The following ANO2 variants were observed in gnomAD, a reference collection of about 807,000 sequenced individuals.
The protein encoded by ANO2 is anoctamin-2.
ANO2 carries 101 observed loss-of-function variants against 124.2 expected under a neutral mutation model. That is an observed-to-expected ratio of 0.81 (90% CI 0.69 to 0.96). The LOEUF is 0.96. Ranked by LOEUF, ANO2 falls within the 40% of genes least tolerant of loss-of-function variation. The pLI is 0.00. For missense variants in ANO2, 1,293 were observed against 1,274.5 expected (o/e 1.01, Z -0.22); for synonymous variants, 486 against 482.5 (o/e 1.01, Z -0.09).
chr12:5,708,968 C>G (rs1372605656), intron 14 of ANO2, among the ~76,000 whole-genome samples: 1 of 152,206 alleles, frequency 6.6e-6, no homozygotes, highest in East Asian at 1.9e-4. Context: ...GGACTGTAAG[C>G]TTCATGACGG....
chr12:5,797,417 C>G (rs1952897088), intron 10 of ANO2, among the ~76,000 whole-genome samples: 2 of 152,138 alleles, frequency 1.3e-5, no homozygotes, highest in African/African-American at 4.8e-5. Context: ...AGGACTTGGA[C>G]AGAATCAGGG....
At chr12:5,873,952 C>T (rs12309035) in intron 3 of ANO2, among the ~76,000 whole-genome samples, 5,127 of 152,266 alleles carry the variant, frequency 0.034, 297 homozygotes, top group African/African-American at 0.12. Flanking sequence ...AACCAAGAGA[C>T]GCGCAGAGAA....
intron 14 of ANO2, among the ~76,000 whole-genome samples, chr12:5,656,690 G>A (rs1947175784): frequency 1.3e-5 from 2 of 152,202 alleles, no homozygotes; most frequent in African/African-American, 2.4e-5. Flanking sequence ...GATACATAGT[G>A]CAAGCTCTTT....
chr12:5,670,740 A>T (rs1301616426), intron 14 of ANO2, among the ~76,000 whole-genome samples: 4 of 151,942 alleles, frequency 2.6e-5, no homozygotes, highest in African/African-American at 4.8e-5. Flanking sequence ...AGGTCTCTTC[A>T]TGTTGCCCAC....
chr12:5,827,701 G>A, intron 7 of ANO2, 68 bp downstream of exon 7: 13 of 1,535,552 alleles, frequency 8.5e-6, no homozygotes, highest in Non-Finnish European at 1.2e-5. Flanking sequence ...CAAGGGAGCT[G>A]TTGAAAGCAC....
chr12:5,717,057 G>A (rs17785727), intron 14 of ANO2, among the ~76,000 whole-genome samples: 31,714 of 152,212 alleles, frequency 0.21, 3,534 homozygotes, highest in Middle Eastern at 0.27. Flanking sequence ...ATTGACTTTG[G>A]ACAATCTGTG....
chr12:5,688,013 G>C (rs1019321773), intron 14 of ANO2, among the ~76,000 whole-genome samples: 1 of 152,212 alleles, frequency 6.6e-6, no homozygotes, highest in African/African-American at 2.4e-5. Flanking sequence ...TGAACATCCT[G>C]TAAAATCTGA....
intron 10 of ANO2, among the ~76,000 whole-genome samples, chr12:5,798,533 C>G (rs1457463121): frequency 6.6e-6 from 1 of 152,204 alleles, no homozygotes; most frequent in Non-Finnish European, 1.5e-5. Context: ...GGAACACGCT[C>G]TATTCTCAGG....
chr12:5,876,565 G>A (rs1938114159), intron 3 of ANO2, among the ~76,000 whole-genome samples: 1 of 152,168 alleles, frequency 6.6e-6, no homozygotes, highest in African/African-American at 2.4e-5. Context: ...CAATAGCAAA[G>A]ATTTGGATCC....
chr12:5,631,054 C>T (rs1040733473), intron 16 of ANO2, among the ~76,000 whole-genome samples: 1 of 152,296 alleles, frequency 6.6e-6, no homozygotes, highest in African/African-American at 2.4e-5. Context: ...CCTGCCTGAT[C>T]GCACTAGATA....
rs578136854 is a variant in ANO2, at chr12:5,756,630, G to A, written c.1056-5660C>T. The stretch of plus-strand genomic sequence containing the variant: ...AAGGGTGGATCTGCTGCCATGGTCC[G>A]TGGGTGGGCCTGTTGCCAGAGTCTG... On this transcript the variant is annotated intron_variant, in intron 10 of 24. Transcript: ENST00000682330. 8.8e-4 allele frequency among the ~76,000 whole-genome samples: 134 copies of A among 152,338 alleles called. 1 individual carries two copies. In the Middle Eastern group the frequency reaches 0.017, roughly 19 times the overall value.
intron 1 of ANO2, among the ~76,000 whole-genome samples, chr12:5,936,053 T>C (rs1248346812): frequency 6.6e-6 from 1 of 152,248 alleles, no homozygotes; most frequent in Non-Finnish European, 1.5e-5. Flanking sequence ...GAGAAATGTC[T>C]ATTCAGAGCT....
At position 5,900,893 on chromosome 12, in the gene ANO2, G is replaced by C. The variant is rs914814373; in HGVS notation, c.534+20147C>G. Among the ~76,000 whole-genome samples the C allele has an allele frequency of 1.2e-4, 18 of 152,210 alleles. No homozygotes were observed. Among genetic ancestry groups the C allele is most frequent in the African/African-American group, 3.9e-4 (16 of 41,456 alleles). On this transcript the variant is annotated intron_variant, in intron 3 of 24. Coordinates refer to ENST00000682330, the MANE Select transcript of ANO2 (RefSeq NM_001364791.2). This position sits in a 1 kb window ranked among gnomAD's most constrained non-coding sequence, Gnocchi z 4.2. ...GACTCAGAGAAAGCCCAACAGCTGG[G>C]ACAGGTCTCAGTCTAGGTCATTCCC...
intron 9 of ANO2, among the ~76,000 whole-genome samples, chr12:5,803,903 A>G (rs1206105501): frequency 6.6e-6 from 1 of 152,190 alleles, no homozygotes; most frequent in Non-Finnish European, 1.5e-5. Flanking sequence ...ATCTGCCTGC[A>G]ATGAGCCTGG....
chr12:5,627,266 C>CA (rs1945465767), intron 16 of ANO2, among the ~76,000 whole-genome samples: 1 of 152,304 alleles, frequency 6.6e-6, no homozygotes, highest in African/African-American at 2.4e-5. Flanking sequence ...CCCCCCTGGC[C>CA]AGACCCTGGG....
Position 5,627,334 on chromosome 12 carries a change from C to T in ANO2, c.1816+7818G>A, listed in dbSNP as rs889763366. ...CAGAGAGCCGGGAGCCCCAGAGAGC[C>T]AGGATCCTGGTGCAAAGCAGGAAGA... On this transcript the variant is annotated intron_variant, in intron 16 of 24. Coordinates refer to ENST00000682330, the MANE Select transcript of ANO2 (RefSeq NM_001364791.2). 3.9e-5 allele frequency among the ~76,000 whole-genome samples: 6 copies of T among 152,310 alleles called. No homozygotes were observed. The East Asian group carries it at 1.2e-3, about 29-fold the overall frequency.
chr12:5,766,131 G>A (rs1951881475), intron 10 of ANO2, among the ~76,000 whole-genome samples: 1 of 152,144 alleles, frequency 6.6e-6, no homozygotes, highest in South Asian at 2.1e-4. Flanking sequence ...AGGTATTTTG[G>A]AAAAACTGCT....
intron 19 of ANO2, among the ~76,000 whole-genome samples, chr12:5,600,922 C>T (rs1477391207): frequency 6.6e-6 from 1 of 152,164 alleles, no homozygotes; most frequent in Non-Finnish European, 1.5e-5. Context: ...GCATCCCATC[C>T]TTGTTTGAAA....
At chr12:5,804,793 G>A (rs566094474) in intron 9 of ANO2, among the ~76,000 whole-genome samples, 1 of 152,276 alleles carries the variant, frequency 6.6e-6, no homozygotes, top group Non-Finnish European at 1.5e-5. Context: ...GCAGGTAACA[G>A]AAGGCTGACT....
Sources: gnomAD v4.1 joint callset for allele counts (sites outside exome capture counted in the v4.1 genomes callset) on GRCh38, gnomAD v4.1.1 for gene constraint, Gnocchi (gnomAD v3.1) non-coding constraint, MANE v1.5 for transcripts, NCBI Gene and HGNC (gene_info 2026-07-23, HGNC 2026-07-21) for gene names.